Variants in EPG5 observed in about 807,000 individuals in gnomAD.
EPG5 encodes the protein ectopic P granules protein 5 homolog.
A neutral mutation model predicts 302.7 loss-of-function variants in EPG5; 159 were observed. The observed-to-expected ratio is 0.53, with a 90% CI of 0.46 to 0.60. The LOEUF (loss-of-function observed/expected upper bound fraction) is 0.60. Ranked by LOEUF, EPG5 falls within the 20% of genes least tolerant of loss-of-function variation. The pLI is 0.00. For synonymous variants in EPG5, 1,158 were observed against 1,136.8 expected (o/e 1.02, Z -0.37); for missense variants, 2,896 against 3,092.4 (o/e 0.94, Z 1.51).
chr18:45,897,409 C>T (rs2049502936), intron 27 of EPG5, among the ~76,000 whole-genome samples: 1 of 152,080 alleles, frequency 6.6e-6, no homozygotes, highest in African/African-American at 2.4e-5. Context: ...GTGAAGACAC[C>T]CCTTTTTTTA....
rs899134858 is a variant in EPG5 at position 45,957,628 on chromosome 18, C to T, written c.64-2290G>A. ...TTAAGGAGGTGAGTGGTACATCAAA[C>T]ATTTCACTCTCATTTTGTTCACTGG... is the stretch of plus-strand genomic sequence containing the variant. On this transcript the variant is annotated intron_variant, in intron 1 of 43. Coordinates refer to ENST00000282041, the MANE Select transcript of EPG5 (RefSeq NM_020964.3). Among the ~76,000 whole-genome samples the T allele has an allele frequency of 5.9e-5, 9 of 152,316 alleles. No individual in the cohort carries two copies. In the South Asian group the frequency reaches 8.3e-4, roughly 14 times the overall value.
Position 45,883,012 on chromosome 18 carries a change from CA to C in EPG5, c.5305-526del, listed in dbSNP as rs35030980. 4.6e-3 allele frequency among the ~76,000 whole-genome samples: 402 copies of C among 87,432 alleles called. 4 individuals are homozygous for C. Among genetic ancestry groups the C allele is most frequent in the African/African-American group, 0.011 (281 of 26,582 alleles). 57.4% of individuals were successfully genotyped at this position (87,432 alleles called of 152,430 possible). ...ACAAGAGCGAAACTGCGTCTCACAA[CA>C]AAAAAAAAAAAAAAAAAAGTAGTTC... On this transcript the variant is annotated intron_variant, in intron 30 of 43. Coordinates refer to ENST00000282041, the MANE Select transcript of EPG5 (RefSeq NM_020964.3).
chr18:45,948,974 A>T (rs896499783), intron 5 of EPG5, among the ~76,000 whole-genome samples: 3 of 152,238 alleles, frequency 2.0e-5, no homozygotes, highest in Admixed American at 2.0e-4. Context: ...TGCAAATTCT[A>T]AGTGGTTGCT....
chr18:45,910,703 T>C lies in EPG5; in HGVS notation c.4023A>G (p.Gln1341=), dbSNP rs372736170. 1.2e-6 allele frequency: 2 copies of C among 1,613,960 alleles called. No homozygotes were observed. The highest frequency in any genetic ancestry group is 2.7e-5 in the African/African-American group (2 of 74,908). ...IDGCIGRRFF[Q]SPAHINLLKE... is the part of the protein sequence containing the mutation. ...TCAACAAATTGATATGAGCAGGACT[T>C]TGAAAAAACCTTCTTCCAATACAAC... The change falls in exon 23 of 44, where the codon CAA becomes CAG. Residue 1341 remains glutamine, a synonymous_variant. Coordinates refer to ENST00000282041, the MANE Select transcript of EPG5 (RefSeq NM_020964.3).
rs539209051 is a variant in EPG5 at position 45,915,582 on chromosome 18, A to G, written c.3622T>C (p.Ser1208Pro). Residue 1208 changes from serine (S) to proline (P), a missense_variant, in exon 20 of 44, where the codon TCT (serine) becomes CCT (proline). Around this residue, in one of 5 missense-constraint regions of EPG5, gnomAD observed 1,390 missense variants for 1,430.0 expected, o/e 0.97. Coordinates refer to ENST00000282041, the MANE Select transcript of EPG5 (RefSeq NM_020964.3). ...CCTGCCACAATCCAGCTTACCAAAGATGAGAGCAGACTCCGGTCACAGTGG... is the reference window on the plus strand; with the variant it reads ...CCTGCCACAATCCAGCTTACCAAAGGTGAGAGCAGACTCCGGTCACAGTGG... ...GYHCDRSLLSSLVSWIVAGNI... is the reference protein window; with the variant it reads ...GYHCDRSLLSPLVSWIVAGNI... The G allele has an allele frequency of 2.5e-5, 40 of 1,614,212 alleles. No individual in the cohort carries two copies. The highest frequency in any genetic ancestry group is 3.3e-5 in the Admixed American group (2 of 60,026).
Position 45,884,632 on chromosome 18 carries a change from G to A in EPG5, c.5289C>T (p.Phe1763=). The A allele has an allele frequency of 1.9e-6, 3 of 1,603,250 alleles. No individual in the cohort carries two copies. In the South Asian group the frequency reaches 3.4e-5, roughly 18 times the overall value. The change falls in exon 30 of 44, where the codon TTC becomes TTT. Residue 1763 remains phenylalanine, a synonymous_variant. Coordinates refer to ENST00000282041, the MANE Select transcript of EPG5 (RefSeq NM_020964.3). ...FLSEDNSDMI[F]MLLTKFDLKQ... ...TACATCTTACCTTGGTTAGCAGCAT[G>A]AAAATCATATCACTGTTGTCCTCAC... is the stretch of plus-strand genomic sequence containing the variant.
chr18:45,842,442 T>TGTGAGA, the EPG5 span: 9 of 345,074 alleles, frequency 2.6e-5, no homozygotes, highest in South Asian at 1.5e-4. Flanking sequence ...TGTGTGTGTG[T>TGTGAGA]GAGAGAGAGA....
At position 45,924,423 on chromosome 18, in the gene EPG5, C is replaced by G. The variant is rs190405886; in HGVS notation, c.2719-1036G>C. ...CAGTCCCAAGTGGTCAAGGACACCT[C>G]AGCAGAAAAGCTCCCGGGCTTCAGT... On this transcript the variant is annotated intron_variant, in intron 14 of 43. Transcript: ENST00000282041. Among the ~76,000 whole-genome samples, 27 of 152,346 alleles carry G rather than the reference C, an allele frequency of 1.8e-4. 2 individuals carry two copies. In the East Asian group the frequency reaches 5.0e-3, roughly 28 times the overall value.
intron 15 of EPG5, among the ~76,000 whole-genome samples, chr18:45,922,850 C>T (rs184085090): frequency 2.0e-5 from 3 of 152,324 alleles, no homozygotes; most frequent in Non-Finnish European, 4.4e-5. Flanking sequence ...AGTTGATACT[C>T]AATGAATAGT....
chr18:45,930,914 G>C, intron 11 of EPG5, 84 bp from the exon 12 acceptor site: 1 of 1,281,014 alleles, frequency 7.8e-7, no homozygotes, highest in Non-Finnish European at 1.0e-6. Context: ...AAAGATTTAG[G>C]AATATTTAAA....
At chr18:45,874,963 A>G (rs2048940668) in intron 35 of EPG5, among the ~76,000 whole-genome samples, 1 of 152,206 alleles carries the variant, frequency 6.6e-6, no homozygotes, top group African/African-American at 2.4e-5. Context: ...TCTAAGGACT[A>G]TATTCTTACT....
intron 11 of EPG5, among the ~76,000 whole-genome samples, chr18:45,932,728 G>A (rs984436980): frequency 1.4e-5 from 2 of 143,530 alleles, no homozygotes; most frequent in Non-Finnish European, 3.0e-5. Flanking sequence ...CACTCTCAAA[G>A]CTAGAACATA....
chr18:45,918,377 T>C (rs2050078491), intron 16 of EPG5, among the ~76,000 whole-genome samples: 1 of 152,218 alleles, frequency 6.6e-6, no homozygotes, highest in Admixed American at 6.5e-5. Context: ...CCAATGAACA[T>C]TTCCTTTGAG....
intron 26 of EPG5, 21 bp downstream of exon 26, chr18:45,900,975 C>T (rs1008349104): frequency 1.3e-6 from 2 of 1,594,408 alleles, no homozygotes; most frequent in South Asian, 1.1e-5. Context: ...GAACATGATC[C>T]GTGAGGCTGC....
chr18:45,963,251 T>C (rs2051185519), intron 1 of EPG5, among the ~76,000 whole-genome samples: 2 of 152,296 alleles, frequency 1.3e-5, no homozygotes, highest in South Asian at 2.1e-4. Context: ...AAAGCTTCTC[T>C]GACGAAGTAC....
rs202065249 is a variant in EPG5, at chr18:45,907,998, T to A, written c.4289A>T (p.Tyr1430Phe). The stretch of plus-strand genomic sequence containing the variant: ...CACTTTTGCTAGCCTGTGAATATCA[T>A]AATGCTTTGGTAGAGAAGGGATATA... ...DTYIPSLPKH[Y>F]DIHRLAKVMQ... Residue 1430 changes from tyrosine to phenylalanine, a missense_variant, in exon 24 of 44, where the codon TAT (tyrosine) becomes TTT (phenylalanine). Tyr to Phe is a conservative substitution (Grantham distance 22). Coordinates refer to ENST00000282041, the MANE Select transcript of EPG5 (RefSeq NM_020964.3). 6.3e-6 allele frequency: 10 copies of A among 1,597,628 alleles called. No homozygotes were observed. The African/African-American group carries it at 1.2e-4, about 20-fold the overall frequency.
At chr18:45,965,263 C>T (rs1280115469) in intron 1 of EPG5, among the ~76,000 whole-genome samples, 2 of 151,954 alleles carry the variant, frequency 1.3e-5, no homozygotes, top group Non-Finnish European at 2.9e-5. Flanking sequence ...CACATGGACA[C>T]AAAGAAGGGA....
At position 45,884,718 on chromosome 18, in the gene EPG5, T is replaced by C. The variant is rs2145444248; in HGVS notation, c.5203A>G (p.Thr1735Ala). ...RLCSLLSPFF[T>A]PNAAPAEFIQ... ...AACTCTGCAGGTGCAGCATTGGGAG[T>C]GAAGAAAGGAGACAGCAGGGAGCAG... The change falls in exon 30 of 44, where the codon ACT becomes GCT. Residue 1735 changes from threonine (T) to alanine (A), a missense_variant. Thr to Ala is a moderately conservative substitution (Grantham distance 58). Coordinates refer to ENST00000282041, the MANE Select transcript of EPG5 (RefSeq NM_020964.3). 5.6e-6 allele frequency: 9 copies of C among 1,611,488 alleles called. No homozygotes were observed. The highest frequency in any genetic ancestry group is 7.6e-6 in the Non-Finnish European group (9 of 1,179,116).
intron 10 of EPG5, among the ~76,000 whole-genome samples, chr18:45,935,729 G>T (rs930586815): frequency 6.6e-6 from 1 of 152,084 alleles, no homozygotes; most frequent in Non-Finnish European, 1.5e-5. Flanking sequence ...GAGGAAAATC[G>T]AAATCCATCC....
Sources: gnomAD v4.1 joint callset for allele counts (sites outside exome capture counted in the v4.1 genomes callset) on GRCh38, gnomAD v4.1.1 for gene constraint, gnomAD v4.1.1 regional missense constraint, MANE v1.5 for transcripts, NCBI Gene and HGNC (gene_info 2026-07-23, HGNC 2026-07-21) for gene names.